TBC1D30: variants seen among roughly 807,000 people sequenced by gnomAD.
The protein encoded by TBC1D30 is TBC1 domain family member 30.
Under a neutral mutation model 63.2 loss-of-function variants are expected in TBC1D30, and 31 were observed. The observed-to-expected ratio is 0.49, with a 90% CI of 0.37 to 0.66. TBC1D30 has a LOEUF of 0.66. Among genes scored for constraint, TBC1D30 ranks in the 30% least tolerant of loss-of-function variants. The probability of loss-of-function intolerance (pLI) is 0.00; values close to 1 mark genes in which losing one functional copy is unlikely to be tolerated. For synonymous variants in TBC1D30, 307 were observed against 361.5 expected, an observed-to-expected ratio of 0.85 and a Z score of 1.71; for missense variants, 810 against 953.6, an observed-to-expected ratio of 0.85 and a Z score of 1.98.
At chr12:64,772,159 C>T (rs989982709) in intron 1 of TBC1D30, among the ~76,000 whole-genome samples, 5 of 150,348 alleles carry the variant, frequency 3.3e-5, no homozygotes, top group African/African-American at 1.2e-4. Flanking sequence ...ATCGCTTGAA[C>T]CCAGGAGGAG....
intron 1 of TBC1D30, among the ~76,000 whole-genome samples, chr12:64,760,152 C>A (rs769632267): frequency 6.6e-6 from 1 of 152,110 alleles, no homozygotes; most frequent in Non-Finnish European, 1.5e-5. Flanking sequence ...GCAGATCGAA[C>A]AAAAATCTTG....
At chr12:64,825,858 C>CGCCT (rs1874289966) in intron 1 of TBC1D30, among the ~76,000 whole-genome samples, 1 of 152,176 alleles carries the variant, frequency 6.6e-6, no homozygotes, top group Non-Finnish European at 1.5e-5. Context: ...GCACCGGCTG[C>CGCCT]GTTCCAGGCG....
chr12:64,866,765 C>A lies in TBC1D30; in HGVS notation c.1153C>A (p.Arg385=), dbSNP rs537127625. Residue 385 remains arginine (R), a splice_region_variant and synonymous_variant, in exon 10 of 12, where the codon CGA becomes AGA. Coordinates refer to ENST00000539867, the MANE Select transcript of TBC1D30 (RefSeq NM_015279.2). ...ATVKPTSVSG[R]HSKARDSDEE... is the part of the protein sequence containing the mutation. ...TTTTTGTCTTTTATGTTTTCCAAGA[C>A]GACATAGTAAGGCCAGAGACAGTGA... 3 of 1,534,260 alleles carry A rather than the reference C, an allele frequency of 2.0e-6. No homozygotes were observed. The highest frequency in any genetic ancestry group is 4.9e-5 in the East Asian group (2 of 40,906).
upstream of TBC1D30, among the ~76,000 whole-genome samples, chr12:64,823,765 T>C (rs957225107): frequency 3.3e-5 from 5 of 152,344 alleles, no homozygotes; most frequent in South Asian, 4.1e-4. Flanking sequence ...GCTGGGACTA[T>C]AGGCATGCTG....
chr12:64,872,683 T>C (rs2081995546), intron 11 of TBC1D30, among the ~76,000 whole-genome samples: 1 of 152,214 alleles, frequency 6.6e-6, no homozygotes, highest in Non-Finnish European at 1.5e-5. Context: ...TAGTCTGTTT[T>C]CACACTGCAA....
intron 1 of TBC1D30, among the ~76,000 whole-genome samples, chr12:64,782,222 C>T (rs1258759021): frequency 5.9e-5 from 9 of 151,568 alleles, no homozygotes; most frequent in Non-Finnish European, 1.2e-4. Flanking sequence ...CATAACATTT[C>T]TTGACAGTAA....
chr12:64,824,877 C>T lies in TBC1D30; in HGVS notation c.-3C>T, dbSNP rs940512726. 3.9e-6 allele frequency: 6 copies of T among 1,532,814 alleles called. No individual in the cohort carries two copies. In the African/African-American group the frequency reaches 5.5e-5, roughly 14 times the overall value. 95.0% of individuals were successfully genotyped at this position (1,532,814 alleles called of 1,614,324 possible). On this transcript the variant is annotated 5_prime_UTR_variant, in exon 1 of 12. Coordinates refer to ENST00000539867, the MANE Select transcript of TBC1D30 (RefSeq NM_015279.2). ...GCCGTGCCAGAGCCCGGGGCGCTCTCGGATGCGGCAGGACAAGCTGACCGG... is the reference window on the plus strand; with the variant it reads ...GCCGTGCCAGAGCCCGGGGCGCTCTTGGATGCGGCAGGACAAGCTGACCGG...
chr12:64,848,329 G>C (rs535191046), intron 8 of TBC1D30, among the ~76,000 whole-genome samples: 4 of 151,658 alleles, frequency 2.6e-5, no homozygotes, highest in African/African-American at 9.7e-5. Flanking sequence ...GAATGTGCAG[G>C]TTTGTTACAT....
At chr12:64,844,033 A>T (rs1876137539) in intron 8 of TBC1D30, among the ~76,000 whole-genome samples, 1 of 152,068 alleles carries the variant, frequency 6.6e-6, no homozygotes, top group Non-Finnish European at 1.5e-5. Context: ...GACTCAAGTG[A>T]TCCTCCCACT....
In TBC1D30 at chr12:64,824,725, G is replaced by A; in HGVS notation, c.-155G>A. The A allele has an allele frequency of 9.2e-7, 1 of 1,081,190 alleles. No homozygotes were observed. The highest frequency in any genetic ancestry group is 1.3e-6 in the Non-Finnish European group (1 of 788,980). The allele number at this position is 1,081,190 out of a possible 1,614,324, so 67.0% of individuals were successfully genotyped here. Reference sequence around the variant, plus strand: ...CTCCCGCGGTGCCCCGTAAGTCCCCGTGACCCTCCAGCACCAGCCGGCTGT... The same window carrying A: ...CTCCCGCGGTGCCCCGTAAGTCCCCATGACCCTCCAGCACCAGCCGGCTGT... On this transcript the variant is annotated 5_prime_UTR_variant, in exon 1 of 12. It adds an upstream start codon to the 5' untranslated region. Coordinates refer to ENST00000539867, the MANE Select transcript of TBC1D30 (RefSeq NM_015279.2).
chr12:64,794,632 A>G (rs1301949063), intron 2 of TBC1D30, among the ~76,000 whole-genome samples: 1 of 151,806 alleles, frequency 6.6e-6, no homozygotes, highest in African/African-American at 2.4e-5. Context: ...TGGGGTTTCA[A>G]CCACATTGCC....
chr12:64,808,452 A>C (rs1458430674), intron 2 of TBC1D30, among the ~76,000 whole-genome samples: 1 of 152,126 alleles, frequency 6.6e-6, no homozygotes, highest in Admixed American at 6.5e-5. Flanking sequence ...TGCACAGGGG[A>C]GGTGCTCAAA....
chr12:64,861,700 T>G (rs1353511594), intron 8 of TBC1D30, among the ~76,000 whole-genome samples: 1 of 152,180 alleles, frequency 6.6e-6, no homozygotes, highest in Non-Finnish European at 1.5e-5. Flanking sequence ...TCAGTAGGAT[T>G]TTTGACAATG....
intron 1 of TBC1D30, among the ~76,000 whole-genome samples, chr12:64,826,074 T>A (rs1874317857): frequency 1.3e-5 from 2 of 152,190 alleles, no homozygotes; most frequent in Non-Finnish European, 2.9e-5. Context: ...TACCTCTTTT[T>A]TTTTTCTTTT....
intron 2 of TBC1D30, among the ~76,000 whole-genome samples, chr12:64,812,479 C>T (rs746375061): frequency 1.2e-4 from 18 of 152,088 alleles, no homozygotes; most frequent in Non-Finnish European, 2.2e-4. Flanking sequence ...ATTTCTCTTC[C>T]CACGATATAT....
intron 2 of TBC1D30, among the ~76,000 whole-genome samples, chr12:64,816,125 T>A (rs1370291843): frequency 2.0e-5 from 3 of 151,904 alleles, no homozygotes. Flanking sequence ...CTCCGTCTCC[T>A]GGGTTCAAGC....
chr12:64,811,552 G>C (rs917308982), intron 2 of TBC1D30, among the ~76,000 whole-genome samples: 2 of 152,192 alleles, frequency 1.3e-5, no homozygotes, highest in African/African-American at 4.8e-5. Context: ...AGGGTGGGTT[G>C]ATGCAGAAAG....
At chr12:64,825,343 T>C in intron 1 of TBC1D30, 1 of 346,048 alleles carries the variant, frequency 2.9e-6, no homozygotes, top group Non-Finnish European at 5.3e-6. Context: ...TGCGGGTGGC[T>C]GCCCGGGCCC....
chr12:64,824,856 T>C lies in TBC1D30; in HGVS notation c.-24T>C. 4.6e-6 allele frequency: 7 copies of C among 1,530,498 alleles called. No individual in the cohort carries two copies. The highest frequency in any genetic ancestry group is 6.1e-6 in the Non-Finnish European group (7 of 1,144,612). 94.8% of individuals were successfully genotyped at this position (1,530,498 alleles called of 1,614,324 possible). A position where few individuals can be genotyped will look rare whatever the true frequency, so the allele number is the denominator to read the frequency against. Reference sequence around the variant, plus strand: ...CGGGGACCGAGACGGACGGTAGCCGTGCCAGAGCCCGGGGCGCTCTCGGAT... The same window carrying C: ...CGGGGACCGAGACGGACGGTAGCCGCGCCAGAGCCCGGGGCGCTCTCGGAT... On this transcript the variant is annotated 5_prime_UTR_variant, in exon 1 of 12. Transcript: ENST00000539867.
Sources: allele counts gnomAD v4.1 joint callset (sites outside exome capture counted in the v4.1 genomes callset), GRCh38; gene constraint gnomAD v4.1.1; transcripts MANE v1.5; gene names NCBI Gene and HGNC (gene_info 2026-07-23, HGNC 2026-07-21).